Variants in GSKIP observed in about 807,000 individuals in gnomAD.
GSKIP encodes the protein GSK3B-interacting protein.
GSKIP carries 5 observed loss-of-function variants against 11.9 expected under a neutral mutation model. That is an observed-to-expected ratio of 0.42 (90% CI 0.22 to 0.89). The LOEUF is 0.89. Ranked by LOEUF, GSKIP falls within the 40% of genes least tolerant of loss-of-function variation. The pLI, the probability that GSKIP is intolerant of heterozygous loss-of-function variation, is 0.29. For synonymous variants in GSKIP, 70 were observed against 62.9 expected (o/e 1.11, Z -0.54); for missense variants, 150 against 166.6 (o/e 0.90, Z 0.55).
intron 1 of GSKIP, among the ~76,000 whole-genome samples, chr14:96,367,868 A>G (rs1021036273): frequency 1.3e-5 from 2 of 152,216 alleles, no homozygotes; most frequent in Non-Finnish European, 2.9e-5. Flanking sequence ...GCAATTGTCA[A>G]GTATTCCAAT....
chr14:96,366,054 TGAAA>T (rs1888872698), intron 1 of GSKIP, among the ~76,000 whole-genome samples: 2 of 152,036 alleles, frequency 1.3e-5, no homozygotes, highest in Non-Finnish European at 2.9e-5. Flanking sequence ...GCGGTAGCGG[TGAAA>T]ATGATTAGTT....
At chr14:96,377,505 A>G (rs904517587) in intron 1 of GSKIP, among the ~76,000 whole-genome samples, 2 of 152,228 alleles carry the variant, frequency 1.3e-5, no homozygotes, top group African/African-American at 4.8e-5. Flanking sequence ...AGCAGAAAAT[A>G]TATCTATATT....
intron 1 of GSKIP, among the ~76,000 whole-genome samples, chr14:96,377,148 GAACCAAA>G (rs1443191210): frequency 2.0e-5 from 3 of 152,004 alleles, no homozygotes; most frequent in Non-Finnish European, 2.9e-5. Flanking sequence ...AAATTTAAAT[GAACCAAA>G]ATTAAATAAA....
intron 1 of GSKIP, among the ~76,000 whole-genome samples, chr14:96,366,860 A>G (rs1888899690): frequency 6.6e-6 from 1 of 152,274 alleles, no homozygotes; most frequent in Non-Finnish European, 1.5e-5. Context: ...TCATGTCAAA[A>G]TAATCCTCCT....
chr14:96,385,635 A>G lies in GSKIP; in HGVS notation c.371A>G (p.Asn124Ser). The G allele has an allele frequency of 6.2e-7, 1 of 1,613,628 alleles. No homozygotes were observed. The highest frequency in any genetic ancestry group is 1.7e-4 in the Middle Eastern group (1 of 6,058). The change falls in exon 4 of 4, where the codon AAC (asparagine) becomes AGC (serine). Residue 124 changes from asparagine (N) to serine (S), a missense_variant. Physicochemically the swap from Asn to Ser is conservative, Grantham distance 46. Transcript: ENST00000555181. ...LSPAYREAFG[N>S]ALLQRLEALK... ...CCCGCCTACCGAGAAGCATTTGGAA[A>G]CGCACTGCTTCAAAGACTGGAAGCT...
chr14:96,367,122 A>G (rs1028052448), intron 1 of GSKIP, among the ~76,000 whole-genome samples: 9 of 152,234 alleles, frequency 5.9e-5, no homozygotes, highest in Non-Finnish European at 1.3e-4. Context: ...TACTTTTAAT[A>G]TAATAGATTA....
Position 96,385,612 on chromosome 14 carries a change from C to T in GSKIP, c.348C>T (p.Pro116=), listed in dbSNP as rs763397586. 257 of 1,613,354 alleles carry T rather than the reference C, an allele frequency of 1.6e-4. 1 individual carries two copies. Among genetic ancestry groups the T allele is most frequent in the Non-Finnish European group, 2.1e-4 (250 of 1,179,636 alleles). The change falls in exon 4 of 4, where the codon CCC becomes CCT. Residue 116 remains proline (P), a synonymous_variant. Coordinates refer to ENST00000555181, the MANE Select transcript of GSKIP (RefSeq NM_016472.5). ...ACTCCTTGTTGGATACACTCAGCCC[C>T]GCCTACCGAGAAGCATTTGGAAACG... is the stretch of plus-strand genomic sequence containing the variant. ...TVYSLLDTLS[P]AYREAFGNAL...
At chr14:96,367,179 TATTC>T (rs1378592210) in intron 1 of GSKIP, among the ~76,000 whole-genome samples, 1 of 152,242 alleles carries the variant, frequency 6.6e-6, no homozygotes, top group Non-Finnish European at 1.5e-5. Flanking sequence ...ACTTTCCATG[TATTC>T]ATTCATTTAG....
At chr14:96,376,034 T>C (rs576656348) in intron 1 of GSKIP, among the ~76,000 whole-genome samples, 2 of 152,312 alleles carry the variant, frequency 1.3e-5, no homozygotes, top group South Asian at 2.1e-4. Flanking sequence ...CCACGTTGCA[T>C]TGGAAATTGA....
At chr14:96,377,543 A>C (rs1024730405) in intron 1 of GSKIP, among the ~76,000 whole-genome samples, 1 of 152,206 alleles carries the variant, frequency 6.6e-6, no homozygotes, top group African/African-American at 2.4e-5. Context: ...TTAAATGTAT[A>C]TTTATATGTC....
intron 1 of GSKIP, among the ~76,000 whole-genome samples, chr14:96,377,604 T>C (rs1033870689): frequency 2.6e-5 from 4 of 152,232 alleles, no homozygotes; most frequent in African/African-American, 4.8e-5. Context: ...TATAATAAGG[T>C]GTCTGCTCAA....
chr14:96,372,998 G>A (rs1889092683), intron 1 of GSKIP, among the ~76,000 whole-genome samples: 1 of 152,146 alleles, frequency 6.6e-6, no homozygotes, highest in Non-Finnish European at 1.5e-5. Context: ...GGGAGGCTGA[G>A]GTGGGTGGAT....
At chr14:96,372,233 A>C (rs781165399) in intron 1 of GSKIP, among the ~76,000 whole-genome samples, 5 of 152,220 alleles carry the variant, frequency 3.3e-5, no homozygotes, top group Non-Finnish European at 5.9e-5. Flanking sequence ...GCAGAGAGTT[A>C]GAATTTTCTC....
chr14:96,363,680 G>C (rs1888768052), intron 1 of GSKIP, 112 bp downstream of exon 1: 1 of 152,294 alleles, frequency 6.6e-6, no homozygotes. Flanking sequence ...ACGCCATGCA[G>C]CTGGCTGGGC....
In GSKIP at chr14:96,382,440, T is replaced by C; in HGVS notation, c.193T>C (p.Tyr65His). The C allele has an allele frequency of 6.2e-7, 1 of 1,612,692 alleles. No individual in the cohort carries two copies. Among genetic ancestry groups the C allele is most frequent in the East Asian group, 2.2e-5 (1 of 44,872 alleles). ...CCTGCGGTGTGCGGATGATGTGGCC[T>C]ATATCAATGTGGAAACAAAGGAAAG... ...KSLRCADDVA[Y>H]INVETKERNR... The change falls in exon 3 of 4, where the codon TAT becomes CAT. Residue 65 changes from tyrosine to histidine, a missense_variant. Tyr to His is a moderately conservative substitution (Grantham distance 83, BLOSUM62 2). Coordinates refer to ENST00000555181, the MANE Select transcript of GSKIP (RefSeq NM_016472.5).
intron 1 of GSKIP, among the ~76,000 whole-genome samples, chr14:96,373,893 T>C (rs1889123187): frequency 6.6e-6 from 1 of 152,206 alleles, no homozygotes; most frequent in East Asian, 1.9e-4. Context: ...TCTAACCAAA[T>C]GAATTCAATA....
rs544358651 is a variant in GSKIP at position 96,382,237 on chromosome 14, T to G, written c.-1-10T>G. 1 of 1,546,208 alleles carries G rather than the reference T, an allele frequency of 6.5e-7. No homozygotes were observed. The highest frequency in any genetic ancestry group is 1.4e-5 in the African/African-American group (1 of 71,768). On this transcript the variant is annotated splice_polypyrimidine_tract_variant and intron_variant, in intron 2 of 3. Coordinates refer to ENST00000555181, the MANE Select transcript of GSKIP (RefSeq NM_016472.5). ...ACAAATTTTATAACTGCTTTTTTTT[T>G]TTTTTACAGAATGGAAACAGACTGT...
At position 96,382,119 on chromosome 14, in the gene GSKIP, C is replaced by T. The variant is rs535753349; in HGVS notation, c.-1-128C>T. Reference sequence around the variant, plus strand: ...GAAATGTTTTTAGATAGTATTTTTCCTAACAATTGTTAGCTAGTGTTTTGT... The same window carrying T: ...GAAATGTTTTTAGATAGTATTTTTCTTAACAATTGTTAGCTAGTGTTTTGT... On this transcript the variant is annotated intron_variant, in intron 2 of 3. Transcript: ENST00000555181. The T allele has an allele frequency of 7.0e-6, 4 of 573,224 alleles. No individual in the cohort carries two copies. In the South Asian group the frequency reaches 1.2e-4, roughly 17 times the overall value. 35.5% of individuals were successfully genotyped at this position (573,224 alleles called of 1,614,324 possible).
intron 1 of GSKIP, among the ~76,000 whole-genome samples, chr14:96,368,901 G>A (rs868315427): frequency 6.6e-6 from 1 of 152,188 alleles, no homozygotes; most frequent in Non-Finnish European, 1.5e-5. Context: ...CTTTAGAACT[G>A]GGTAATGGGC....
Sources: allele counts gnomAD v4.1 joint callset (sites outside exome capture counted in the v4.1 genomes callset), GRCh38; gene constraint gnomAD v4.1.1; transcripts MANE v1.5; gene names NCBI Gene and HGNC (gene_info 2026-07-23, HGNC 2026-07-21).